The following HIVEP3 variants were observed in gnomAD, a reference collection of about 807,000 sequenced individuals.
The protein encoded by HIVEP3 is transcription factor HIVEP3.
In HIVEP3, 49 loss-of-function variants were observed where a neutral mutation model predicts 152.8. That is an observed-to-expected ratio of 0.32 (90% CI 0.26 to 0.41). The LOEUF is 0.41. Among genes scored for constraint, HIVEP3 ranks in the 10% least tolerant of loss-of-function variants. The pLI is 1.00. For missense variants in HIVEP3, 2,790 were observed against 3,103.3 expected, an observed-to-expected ratio of 0.90 and a Z score of 2.40; for synonymous variants, 1,269 against 1,289.0, an observed-to-expected ratio of 0.98 and a Z score of 0.33.
chr1:42,034,841 C>T (rs368235449), intron 1 of HIVEP3, among the ~76,000 whole-genome samples: 1 of 152,096 alleles, frequency 6.6e-6, no homozygotes, highest in Non-Finnish European at 1.5e-5. Context: ...CCAAATAACC[C>T]ACCATAAACT....
At chr1:41,622,765 G>A (rs28475462) in intron 3 of HIVEP3, among the ~76,000 whole-genome samples, 4,506 of 152,292 alleles carry the variant, frequency 0.03, 223 homozygotes, top group African/African-American at 0.1. Flanking sequence ...GGGATGTGCT[G>A]GAGCAGGCAA....
chr1:41,981,242 T>C (rs79279057), intron 1 of HIVEP3, among the ~76,000 whole-genome samples: 4,548 of 152,282 alleles, frequency 0.03, 247 homozygotes, highest in African/African-American at 0.11. Context: ...TGGCAACATT[T>C]GCATCAGCCT....
In HIVEP3 at chr1:41,583,583, G is replaced by A. The variant is rs148549839; in HGVS notation, c.1215C>T (p.Ser405=). 6 of 1,613,958 alleles carry A rather than the reference G, an allele frequency of 3.7e-6. No individual in the cohort carries two copies. The Admixed American group carries it at 5.0e-5, about 13-fold the overall frequency. Residue 405 remains serine (S), a synonymous_variant, in exon 4 of 9, where the codon AGC becomes AGT. Transcript: ENST00000372583. The surrounding 1 kb of genome is among the most constrained non-coding windows in gnomAD (Gnocchi z 6.9). ...AGGACTTGGCGTTGGTGTTTGGGGG[G>A]CTGACCTGCTGCTCTGCACTCTCGG... ...SRSESAEQQV[S]PPNTNAKSYA... is the part of the protein sequence containing the mutation.
rs137918317 is a variant in HIVEP3 at position 41,510,994 on chromosome 1, G to A, written c.6678C>T (p.Ser2226=). The A allele has an allele frequency of 2.4e-3, 3,885 of 1,613,526 alleles. 22 individuals are homozygous for A. Among genetic ancestry groups the A allele is most frequent in the African/African-American group, 0.017 (1,296 of 75,038 alleles). The change falls in exon 9 of 9, where the codon TCC becomes TCT. Residue 2226 remains serine (S), a synonymous_variant. Transcript: ENST00000372583. ...CCCCTGTCAGGTCGCTGCCACCCCCGGAGAAGCCACTGACCCAGGCTGCGG... is the reference window on the plus strand; with the variant it reads ...CCCCTGTCAGGTCGCTGCCACCCCCAGAGAAGCCACTGACCCAGGCTGCGG... ...GPTAAWVSGF[S]GGGSDLTGAR...
At chr1:41,531,264 C>T (rs1208343305) in intron 5 of HIVEP3, among the ~76,000 whole-genome samples, 3 of 132,822 alleles carry the variant, frequency 2.3e-5, no homozygotes, top group East Asian at 2.3e-4. Flanking sequence ...AGATGGAGGA[C>T]AGGAGAGATG....
chr1:41,722,038 G>A (rs1278444680), intron 1 of HIVEP3, among the ~76,000 whole-genome samples: 7 of 152,186 alleles, frequency 4.6e-5, no homozygotes, highest in African/African-American at 9.7e-5. Context: ...AACATGCCAT[G>A]GGAGGAACTG....
At chr1:41,627,024 C>T (rs1158365334) in intron 3 of HIVEP3, among the ~76,000 whole-genome samples, 1 of 152,224 alleles carries the variant, frequency 6.6e-6, no homozygotes, top group East Asian at 1.9e-4. Context: ...AGGACTCGAA[C>T]CTGTCTGTAA....
intron 1 of HIVEP3, among the ~76,000 whole-genome samples, chr1:41,958,544 G>C (rs546798335): frequency 6.6e-6 from 1 of 152,312 alleles, no homozygotes; most frequent in African/African-American, 2.4e-5. Context: ...CACATGAGCA[G>C]GGCCGGGGGT....
intron 2 of HIVEP3, among the ~76,000 whole-genome samples, chr1:41,634,386 T>C (rs1645239881): frequency 6.6e-6 from 1 of 152,086 alleles, no homozygotes; most frequent in Non-Finnish European, 1.5e-5. Context: ...GCAAACCTTT[T>C]AAACCACTGT....
At chr1:41,680,277 G>C (rs563697781) in intron 2 of HIVEP3, among the ~76,000 whole-genome samples, 1 of 152,174 alleles carries the variant, frequency 6.6e-6, no homozygotes, top group African/African-American at 2.4e-5. Flanking sequence ...GCATGTCCAA[G>C]GTATCTAAGA....
chr1:41,682,463 C>T lies in HIVEP3; in HGVS notation c.-721+18453G>A, dbSNP rs186615144. Among the ~76,000 whole-genome samples the T allele has an allele frequency of 3.4e-4, 52 of 152,286 alleles. No individual in the cohort carries two copies. In the Middle Eastern group the frequency reaches 0.014, roughly 40 times the overall value. Reference sequence around the variant, plus strand: ...GCAGGCTCTGGGAGGGTTGATGGAACGGGTCAGTGAAGCAGAGGGAGGACC... The same window carrying T: ...GCAGGCTCTGGGAGGGTTGATGGAATGGGTCAGTGAAGCAGAGGGAGGACC... On this transcript the variant is annotated intron_variant, in intron 2 of 8. Transcript: ENST00000372583.
intron 1 of HIVEP3, among the ~76,000 whole-genome samples, chr1:41,733,475 C>T (rs2124190687): frequency 6.6e-6 from 1 of 152,356 alleles, no homozygotes; most frequent in Middle Eastern, 3.4e-3. Flanking sequence ...TCCAGCCTCT[C>T]CCTATATCCA....
chr1:41,622,171 G>T (rs1645055800), intron 3 of HIVEP3, among the ~76,000 whole-genome samples: 1 of 152,180 alleles, frequency 6.6e-6, no homozygotes, highest in Non-Finnish European at 1.5e-5. Flanking sequence ...GAAGAGGAAG[G>T]CCGAATCCCT....
rs1644444642 is a variant in HIVEP3 at position 41,583,161 on chromosome 1, G to A, written c.1637C>T (p.Ala546Val). 2 of 1,612,244 alleles carry A rather than the reference G, an allele frequency of 1.2e-6. No individual in the cohort carries two copies. The highest frequency in any genetic ancestry group is 1.7e-6 in the Non-Finnish European group (2 of 1,179,514). ...GTGGGGGGTGCTGATAGTGCAGGCG[G>A]CAGAAGGCATTGAGTGGCTTCTCAG... ...PLLRSHSMPS[A>V]ACTISTPHHP... The change falls in exon 4 of 9, where the codon GCC becomes GTC. Residue 546 changes from alanine (A) to valine (V), a missense_variant. Physicochemically the swap from Ala to Val is moderately conservative, Grantham distance 64 (BLOSUM62 0). Coordinates refer to ENST00000372583, the MANE Select transcript of HIVEP3 (RefSeq NM_024503.5). This position sits in a 1 kb window ranked among gnomAD's most constrained non-coding sequence, Gnocchi z 6.9.
chr1:41,717,868 C>T (rs1053981217), intron 1 of HIVEP3, among the ~76,000 whole-genome samples: 8 of 152,212 alleles, frequency 5.3e-5, no homozygotes, highest in African/African-American at 1.4e-4. Context: ...AGTCAACAAA[C>T]GCTGACTGAG....
At chr1:41,974,274 C>T (rs1297366979) in intron 1 of HIVEP3, among the ~76,000 whole-genome samples, 1 of 152,206 alleles carries the variant, frequency 6.6e-6, no homozygotes, top group East Asian at 1.9e-4. Flanking sequence ...GGTTTTCCTC[C>T]TCTTCCGACT....
At chr1:41,833,417 C>T (rs1260734593) in intron 1 of HIVEP3, among the ~76,000 whole-genome samples, 1 of 74,746 alleles carries the variant, frequency 1.3e-5, no homozygotes, top group East Asian at 8.1e-4. Context: ...GGCTCAATGG[C>T]TTAGAGAAGG....
At chr1:41,592,395 C>G (rs1202677623) in intron 3 of HIVEP3, among the ~76,000 whole-genome samples, 2 of 152,170 alleles carry the variant, frequency 1.3e-5, no homozygotes, top group Admixed American at 1.3e-4. Context: ...AATCTAAGAC[C>G]AGGTGACAGT....
At chr1:41,517,674 G>A (rs532962751) in intron 7 of HIVEP3, among the ~76,000 whole-genome samples, 4 of 152,278 alleles carry the variant, frequency 2.6e-5, no homozygotes, top group Non-Finnish European at 5.9e-5. Flanking sequence ...AGGGACTGCC[G>A]TCCACCACCA....
Sources: gnomAD v4.1 joint callset for allele counts (sites outside exome capture counted in the v4.1 genomes callset) on GRCh38, gnomAD v4.1.1 for gene constraint, Gnocchi (gnomAD v3.1) non-coding constraint, MANE v1.5 for transcripts, NCBI Gene and HGNC (gene_info 2026-07-23, HGNC 2026-07-21) for gene names.